The following IL1RAPL1 variants were observed in gnomAD, a reference collection of about 807,000 sequenced individuals.
IL1RAPL1 encodes interleukin-1 receptor accessory protein-like 1.
IL1RAPL1 carries 3 observed loss-of-function variants against 48.4 expected under a neutral mutation model. The ratio of observed to expected loss-of-function variants is 0.06; its 90% CI spans 0.03 to 0.16. The LOEUF is 0.16. Among genes scored for constraint, IL1RAPL1 ranks in the 10% least tolerant of loss-of-function variants. The probability of loss-of-function intolerance (pLI) is 1.00; values close to 1 mark genes in which losing one functional copy is unlikely to be tolerated. For missense variants in IL1RAPL1, 349 were observed against 530.6 expected (o/e 0.66, Z 3.36); for synonymous variants, 185 against 187.7 (o/e 0.99, Z 0.12).
At chrX:29,085,953 C>T (rs977660916) in intron 2 of IL1RAPL1, among the ~76,000 whole-genome samples, 1 of 112,159 alleles carries the variant, frequency 8.9e-6, no homozygotes, top group Admixed American at 9.5e-5. Flanking sequence ...GAAAACACAT[C>T]AGTCACTGTG....
chrX:29,261,195 G>A (rs936527062), intron 2 of IL1RAPL1, among the ~76,000 whole-genome samples: 1 of 109,802 alleles, frequency 9.1e-6, no homozygotes, highest in Non-Finnish European at 1.9e-5. Flanking sequence ...GATTTTAATG[G>A]CTGCAACACA....
At chrX:29,159,350 T>C (rs917592465) in intron 2 of IL1RAPL1, among the ~76,000 whole-genome samples, 2 of 111,511 alleles carry the variant, frequency 1.8e-5, no homozygotes, top group African/African-American at 6.5e-5. Flanking sequence ...TTATGTGGCA[T>C]GTCATCATTC....
At chrX:29,444,117 G>A (rs1355044153) in intron 5 of IL1RAPL1, among the ~76,000 whole-genome samples, 7 of 111,506 alleles carry the variant, frequency 6.3e-5, no homozygotes, top group African/African-American at 1.6e-4. Flanking sequence ...CAAGGCGGGC[G>A]GATCACTTGA....
In IL1RAPL1 at chrX:29,816,324, G is replaced by A. The variant is rs1030194967; in HGVS notation, c.779-101140G>A. ...ATGCACAGAAACTAGAAAATCTAGA[G>A]GAAATGCATAAATTCCTGGAAACAC... On this transcript the variant is annotated intron_variant, in intron 6 of 10. Transcript: ENST00000378993. Among the ~76,000 whole-genome samples the A allele has an allele frequency of 5.2e-4, 58 of 110,985 alleles. 2 individuals carry two copies. Among genetic ancestry groups the A allele is most frequent in the Non-Finnish European group, 7.6e-5 (4 of 52,764 alleles).
intron 1 of IL1RAPL1, among the ~76,000 whole-genome samples, chrX:28,620,417 G>C (rs1192646104): frequency 2.7e-5 from 3 of 111,153 alleles, no homozygotes; most frequent in Non-Finnish European, 5.7e-5. Context: ...CAAGAATTAG[G>C]CCCCCATCTC....
chrX:29,469,257 G>A (rs1221346420), intron 5 of IL1RAPL1, among the ~76,000 whole-genome samples: 1 of 111,816 alleles, frequency 8.9e-6, no homozygotes, highest in African/African-American at 3.3e-5. Flanking sequence ...TAGCAAAATG[G>A]CAAATCTGTT....
chrX:29,012,911 A>G (rs1325988299), intron 2 of IL1RAPL1, among the ~76,000 whole-genome samples: 1 of 111,818 alleles, frequency 8.9e-6, no homozygotes, highest in Non-Finnish European at 1.9e-5. Context: ...AGTGGAGACA[A>G]GAGAAGAGCT....
At chrX:28,778,060 C>A (rs1403571403) in intron 1 of IL1RAPL1, among the ~76,000 whole-genome samples, 1 of 111,639 alleles carries the variant, frequency 9.0e-6, no homozygotes, top group African/African-American at 3.3e-5. Flanking sequence ...GAAATCTCCC[C>A]AAGTGATCCC....
chrX:28,624,256 A>T (rs1270354688), intron 1 of IL1RAPL1, among the ~76,000 whole-genome samples: 1 of 111,714 alleles, frequency 9.0e-6, no homozygotes, highest in Non-Finnish European at 1.9e-5. Flanking sequence ...ACCACACACG[A>T]TGTGTTTGAT....
intron 2 of IL1RAPL1, among the ~76,000 whole-genome samples, chrX:29,197,344 A>G (rs974023349): frequency 9.0e-6 from 1 of 111,607 alleles, no homozygotes; most frequent in Admixed American, 9.6e-5. Flanking sequence ...CTGTTTGGAG[A>G]ATTATCTCAG....
intron 2 of IL1RAPL1, among the ~76,000 whole-genome samples, chrX:28,806,736 T>C (rs1332569186): frequency 8.9e-6 from 1 of 111,835 alleles, no homozygotes; most frequent in East Asian, 2.8e-4. Context: ...TTCAAAGGCA[T>C]GTTTTCGCTT....
chrX:28,776,447 G>C (rs1936363334), intron 1 of IL1RAPL1, among the ~76,000 whole-genome samples: 1 of 111,904 alleles, frequency 8.9e-6, no homozygotes, highest in South Asian at 3.7e-4. Flanking sequence ...AAATCTTTGA[G>C]CTGAGTGACT....
intron 5 of IL1RAPL1, among the ~76,000 whole-genome samples, chrX:29,666,866 A>G (rs1342886913): frequency 9.0e-6 from 1 of 111,563 alleles, no homozygotes; most frequent in Non-Finnish European, 1.9e-5. Context: ...TTTAGATACC[A>G]TAGTTGCTTT....
At chrX:28,753,921 A>G (rs913557818) in intron 1 of IL1RAPL1, among the ~76,000 whole-genome samples, 3 of 94,530 alleles carry the variant, frequency 3.2e-5, no homozygotes. Flanking sequence ...GGAGGGAGGG[A>G]GAGAGAGAGA....
At chrX:29,439,936 C>A (rs1934526827) in intron 5 of IL1RAPL1, among the ~76,000 whole-genome samples, 1 of 93,827 alleles carries the variant, frequency 1.1e-5, no homozygotes, top group Non-Finnish European at 2.0e-5. Context: ...CAAGCCTGCA[C>A]AGCTACGTTA....
At chrX:29,494,813 T>G in intron 5 of IL1RAPL1, among the ~76,000 whole-genome samples, 1 of 112,443 alleles carries the variant, frequency 8.9e-6, no homozygotes, top group Admixed American at 9.4e-5. Flanking sequence ...TTTTGTTGAT[T>G]AACTTCCATT....
intron 5 of IL1RAPL1, among the ~76,000 whole-genome samples, chrX:29,403,421 T>C (rs753927430): frequency 6.8e-4 from 75 of 110,670 alleles, no homozygotes; most frequent in African/African-American, 2.4e-3. Context: ...TAAGCTCATC[T>C]TGTATATTTC....
At chrX:29,594,890 C>T (rs1484722245) in intron 5 of IL1RAPL1, among the ~76,000 whole-genome samples, 3 of 111,224 alleles carry the variant, frequency 2.7e-5, no homozygotes, top group Non-Finnish European at 5.7e-5. Context: ...CCAACCCCCA[C>T]CCTTTCCTCC....
chrX:29,630,987 G>A (rs1924758862), intron 5 of IL1RAPL1, among the ~76,000 whole-genome samples: 1 of 111,424 alleles, frequency 9.0e-6, no homozygotes, highest in South Asian at 3.7e-4. Flanking sequence ...ATCATAAATG[G>A]CCAATATTGA....
Sources: allele counts gnomAD v4.1 joint callset (sites outside exome capture counted in the v4.1 genomes callset), GRCh38; gene constraint gnomAD v4.1.1; transcripts MANE v1.5; gene names NCBI Gene and HGNC (gene_info 2026-07-23, HGNC 2026-07-21).